The following WDR70 variants were observed in gnomAD, a reference collection of about 807,000 sequenced individuals.
WDR70 encodes WD repeat-containing protein 70.
A neutral mutation model predicts 88.6 loss-of-function variants in WDR70; 53 were observed. The ratio of observed to expected loss-of-function variants is 0.60; its 90% CI spans 0.48 to 0.75. The LOEUF (loss-of-function observed/expected upper bound fraction) is 0.75. Ranked by LOEUF, WDR70 falls within the 30% of genes least tolerant of loss-of-function variation. The pLI is 0.00. For synonymous variants in WDR70, 280 were observed against 270.0 expected (o/e 1.04, Z -0.36); for missense variants, 610 against 823.2 (o/e 0.74, Z 3.17).
intron 10 of WDR70, among the ~76,000 whole-genome samples, chr5:37,683,303 T>A (rs1004599988): frequency 6.6e-6 from 1 of 152,176 alleles, no homozygotes; most frequent in Non-Finnish European, 1.5e-5. Context: ...GCCTTTTAAT[T>A]GGGGCATTTT....
intron 8 of WDR70, among the ~76,000 whole-genome samples, chr5:37,504,093 C>T (rs1302177346): frequency 2.0e-5 from 3 of 152,054 alleles, no homozygotes; most frequent in African/African-American, 2.4e-5. Context: ...TTTGCATTAA[C>T]TTTTGTATAC....
At chr5:37,649,923 G>T (rs2112557892) in intron 10 of WDR70, among the ~76,000 whole-genome samples, 1 of 142,470 alleles carries the variant, frequency 7.0e-6, no homozygotes, top group African/African-American at 2.6e-5. Context: ...ATTTTTAGTA[G>T]AGGCGGGGTT....
At chr5:37,609,831 T>G (rs543251108) in intron 10 of WDR70, among the ~76,000 whole-genome samples, 2 of 152,320 alleles carry the variant, frequency 1.3e-5, no homozygotes, top group East Asian at 3.9e-4. Context: ...GAGGCAGTAA[T>G]CATATCAGGA....
rs1246446004 is a variant in WDR70 at position 37,415,355 on chromosome 5, C to T, written c.492+18785C>T. ...GGGGCTCCTCACTTCCCAGTAGGGGCGGCCGGGCAGAGGCACCCCTCACCT... is the reference window on the plus strand; with the variant it reads ...GGGGCTCCTCACTTCCCAGTAGGGGTGGCCGGGCAGAGGCACCCCTCACCT... On this transcript the variant is annotated intron_variant, in intron 5 of 17. Transcript: ENST00000265107. Among the ~76,000 whole-genome samples, 680 of 142,082 alleles carry T rather than the reference C, an allele frequency of 4.8e-3. 3 individuals are homozygous for T. Among genetic ancestry groups the T allele is most frequent in the Middle Eastern group, 0.019 (5 of 268 alleles). 93.2% of individuals were successfully genotyped at this position (142,082 alleles called of 152,430 possible).
At chr5:37,660,886 T>TA (rs1416838886) in intron 10 of WDR70, among the ~76,000 whole-genome samples, 21 of 151,830 alleles carry the variant, frequency 1.4e-4, no homozygotes, top group Admixed American at 2.6e-4. Flanking sequence ...AATACAACAA[T>TA]AAAAGAAGGC....
At chr5:37,744,686 A>C (rs549764844) in intron 17 of WDR70, among the ~76,000 whole-genome samples, 4 of 151,968 alleles carry the variant, frequency 2.6e-5, no homozygotes, top group African/African-American at 7.2e-5. Flanking sequence ...AGGATATCAG[A>C]GTTTGAAGCC....
chr5:37,533,942 G>T (rs950053030), intron 9 of WDR70, among the ~76,000 whole-genome samples: 4 of 152,160 alleles, frequency 2.6e-5, no homozygotes, highest in Admixed American at 1.3e-4. Context: ...GAACCTCCCT[G>T]TTGAGAAAGC....
intron 10 of WDR70, among the ~76,000 whole-genome samples, chr5:37,642,791 T>C (rs915298743): frequency 6.6e-6 from 1 of 152,232 alleles, no homozygotes; most frequent in Non-Finnish European, 1.5e-5. Context: ...TGTCTTCTTT[T>C]GAGAAATGTC....
intron 7 of WDR70, among the ~76,000 whole-genome samples, chr5:37,471,238 C>T (rs1168585275): frequency 6.6e-6 from 1 of 150,636 alleles, no homozygotes; most frequent in Non-Finnish European, 1.5e-5. Context: ...ACCCTCCTAC[C>T]CATAGTCCAC....
intron 9 of WDR70, among the ~76,000 whole-genome samples, chr5:37,572,899 A>G (rs1399755253): frequency 2.0e-5 from 3 of 152,182 alleles, no homozygotes; most frequent in South Asian, 2.1e-4. Flanking sequence ...ATCATCTTGC[A>G]TAATCTTGTT....
At chr5:37,723,959 C>G (rs1747897585) in intron 15 of WDR70, 1 of 152,094 alleles carries the variant, frequency 6.6e-6, no homozygotes, top group African/African-American at 2.4e-5. Flanking sequence ...ATGGTCTGGC[C>G]TCAGTTGGCA....
At chr5:37,411,004 T>A (rs1414210881) in intron 5 of WDR70, among the ~76,000 whole-genome samples, 2 of 152,274 alleles carry the variant, frequency 1.3e-5, no homozygotes, top group African/African-American at 4.8e-5. Flanking sequence ...CGCTTTATTT[T>A]GATAGCTTAT....
chr5:37,737,771 T>C (rs1748343396), intron 17 of WDR70, among the ~76,000 whole-genome samples: 1 of 152,168 alleles, frequency 6.6e-6, no homozygotes, highest in Non-Finnish European at 1.5e-5. Context: ...AGGTAGCTAA[T>C]GGCAATTTTG....
At chr5:37,395,871 G>T (rs1444489594) in intron 4 of WDR70, among the ~76,000 whole-genome samples, 5 of 152,100 alleles carry the variant, frequency 3.3e-5, no homozygotes, top group African/African-American at 9.7e-5. Context: ...CGCAGTCATG[G>T]CTCACTGTAG....
At chr5:37,678,322 G>C (rs1461784554) in intron 10 of WDR70, among the ~76,000 whole-genome samples, 1 of 152,050 alleles carries the variant, frequency 6.6e-6, no homozygotes, top group East Asian at 1.9e-4. Flanking sequence ...ATTTCTTCCT[G>C]GTCTTGATGG....
At chr5:37,712,901 C>T (rs562058402) in intron 13 of WDR70, among the ~76,000 whole-genome samples, 11 of 151,866 alleles carry the variant, frequency 7.2e-5, no homozygotes, top group Non-Finnish European at 1.5e-4. Context: ...AGGGTTTCAC[C>T]ACGTTGGCCA....
intron 10 of WDR70, among the ~76,000 whole-genome samples, chr5:37,631,925 C>A (rs933747908): frequency 3.3e-5 from 5 of 152,138 alleles, no homozygotes; most frequent in African/African-American, 1.2e-4. Flanking sequence ...GGGAGGAGAG[C>A]CAGGAGAGGC....
intron 10 of WDR70, among the ~76,000 whole-genome samples, chr5:37,628,644 T>C (rs1339090718): frequency 1.3e-5 from 2 of 152,226 alleles, no homozygotes; most frequent in Non-Finnish European, 2.9e-5. Flanking sequence ...TTTTCATTCA[T>C]TCAAATAGTG....
At chr5:37,659,665 C>G (rs1281502154) in intron 10 of WDR70, among the ~76,000 whole-genome samples, 1 of 152,108 alleles carries the variant, frequency 6.6e-6, no homozygotes, top group African/African-American at 2.4e-5. Context: ...GATCCAGGTG[C>G]CCCCAGATTT....
Sources: gnomAD v4.1 joint callset for allele counts (sites outside exome capture counted in the v4.1 genomes callset) on GRCh38, gnomAD v4.1.1 for gene constraint, MANE v1.5 for transcripts, NCBI Gene and HGNC (gene_info 2026-07-23, HGNC 2026-07-21) for gene names.